Variants in NBAS observed in about 807,000 individuals in gnomAD.
NBAS encodes NAG/BC035112 fusion.
A neutral mutation model predicts 302.5 loss-of-function variants in NBAS; 219 were observed. The ratio of observed to expected loss-of-function variants is 0.72; its 90% confidence interval spans 0.65 to 0.81. The LOEUF is 0.81. Ranked by LOEUF, NBAS falls within the 30% of genes least tolerant of loss-of-function variation. NBAS has a pLI of 0.00. For synonymous variants in NBAS, 1,118 were observed against 1,021.6 expected (o/e 1.09, Z -1.80); for missense variants, 2,932 against 2,841.6 (o/e 1.03, Z -0.72).
chr2:14,959,625 C>T, the NBAS span, among the ~76,000 whole-genome samples: 1 of 152,218 alleles, frequency 6.6e-6, no homozygotes, highest in East Asian at 1.9e-4. Context: ...TGTGACAATT[C>T]TTATACATCG....
chr2:14,993,154 A>T, the NBAS span, among the ~76,000 whole-genome samples: 2 of 151,958 alleles, frequency 1.3e-5, no homozygotes, highest in Non-Finnish European at 2.9e-5. Flanking sequence ...TACATATAGC[A>T]CCTCACTGGA....
the NBAS span, among the ~76,000 whole-genome samples, chr2:14,817,342 C>G: frequency 1.3e-5 from 2 of 152,196 alleles, no homozygotes; most frequent in Admixed American, 6.5e-5. Context: ...GGACCATTAA[C>G]TCTGAGATGC....
At chr2:15,489,740 T>G (rs1035338587) in intron 11 of NBAS, among the ~76,000 whole-genome samples, 7 of 152,184 alleles carry the variant, frequency 4.6e-5, no homozygotes, top group African/African-American at 1.7e-4. Flanking sequence ...AACCTCTCTG[T>G]CTTTTCCTTT....
At chr2:15,346,930 T>C (rs1673118590) in intron 35 of NBAS, among the ~76,000 whole-genome samples, 1 of 152,088 alleles carries the variant, frequency 6.6e-6, no homozygotes, top group Non-Finnish European at 1.5e-5. Context: ...ATGTTCTCAC[T>C]CATAAGTGAG....
chr2:15,487,020 C>T (rs2148608651), intron 12 of NBAS, among the ~76,000 whole-genome samples: 1 of 151,866 alleles, frequency 6.6e-6, no homozygotes, highest in South Asian at 2.1e-4. Context: ...TACTAGGATA[C>T]ACAGAATATG....
At chr2:15,123,643 C>A in the NBAS span, among the ~76,000 whole-genome samples, 1 of 152,048 alleles carries the variant, frequency 6.6e-6, no homozygotes, top group Non-Finnish European at 1.5e-5. Flanking sequence ...GAGCACCTCC[C>A]TCCTCTCTGT....
intron 32 of NBAS, among the ~76,000 whole-genome samples, chr2:15,361,396 C>T (rs187768857): frequency 1.5e-3 from 228 of 152,000 alleles, no homozygotes; most frequent in South Asian, 9.8e-3. Flanking sequence ...GCCTGTAATC[C>T]CAGCTACTCG....
chr2:15,039,700 C>T, the NBAS span, among the ~76,000 whole-genome samples: 1 of 152,214 alleles, frequency 6.6e-6, no homozygotes, highest in Non-Finnish European at 1.5e-5. Context: ...CCCAGCAGTT[C>T]CCTCCCTGAG....
the NBAS span, among the ~76,000 whole-genome samples, chr2:14,885,923 C>G: frequency 6.6e-6 from 1 of 152,136 alleles, no homozygotes; most frequent in South Asian, 2.1e-4. Flanking sequence ...GAACAAAAGC[C>G]AGATTGGCAC....
the NBAS span, among the ~76,000 whole-genome samples, chr2:15,068,063 T>G: frequency 6.6e-6 from 1 of 152,220 alleles, no homozygotes; most frequent in Non-Finnish European, 1.5e-5. Flanking sequence ...GTTCTAATTA[T>G]GAATATAGAT....
chr2:15,452,180 G>A (rs1009850863), intron 21 of NBAS, among the ~76,000 whole-genome samples: 1 of 152,164 alleles, frequency 6.6e-6, no homozygotes, highest in Non-Finnish European at 1.5e-5. Context: ...CTAGAGATTG[G>A]TTGCATAGCA....
chr2:14,871,617 T>C, the NBAS span, among the ~76,000 whole-genome samples: 1 of 152,000 alleles, frequency 6.6e-6, no homozygotes. Context: ...CATGTGGAAG[T>C]AAAATGTATA....
chr2:15,292,609 C>T lies in NBAS; in HGVS notation c.4955G>A (p.Arg1652Gln), dbSNP rs754990648. ...AAACCGCTGCACGTCCACACCCTTCCGAAGGCCCTGAAGGATCTGCGCCTG... is the reference window on the plus strand; with the variant it reads ...AAACCGCTGCACGTCCACACCCTTCTGAAGGCCCTGAAGGATCTGCGCCTG... ...FTQAQILQGL[R>Q]KGVDVQRFTA... The change falls in exon 41 of 52, where the codon CGG becomes CAG. Residue 1652 changes from arginine to glutamine, a missense_variant. Transcript: ENST00000281513. The T allele has an allele frequency of 3.4e-5, 55 of 1,614,030 alleles. No homozygotes were observed. The highest frequency in any genetic ancestry group is 4.2e-5 in the Non-Finnish European group (50 of 1,180,044).
chr2:15,537,401 T>C (rs1663569841), intron 7 of NBAS, among the ~76,000 whole-genome samples: 1 of 152,194 alleles, frequency 6.6e-6, no homozygotes, highest in South Asian at 2.1e-4. Flanking sequence ...CTTAGTCACT[T>C]TCCCACAATT....
At chr2:15,220,161 G>T (rs1457213860) in intron 47 of NBAS, among the ~76,000 whole-genome samples, 3 of 146,842 alleles carry the variant, frequency 2.0e-5, no homozygotes, top group African/African-American at 5.0e-5. Flanking sequence ...CGGACGGGGC[G>T]GCTGGCCGGG....
the NBAS span, among the ~76,000 whole-genome samples, chr2:14,787,228 A>T: frequency 6.6e-6 from 1 of 151,990 alleles, no homozygotes; most frequent in African/African-American, 2.4e-5. Flanking sequence ...TGCACATGAG[A>T]TGGGTTTCCT....
chr2:14,907,478 A>C, the NBAS span: 2 of 152,276 alleles, frequency 1.3e-5, no homozygotes, highest in Non-Finnish European at 2.9e-5. Flanking sequence ...TGTTGTGAGA[A>C]GTCAATGAGG....
At chr2:15,284,453 A>C (rs1489176239) in intron 42 of NBAS, among the ~76,000 whole-genome samples, 1 of 152,232 alleles carries the variant, frequency 6.6e-6, no homozygotes, top group African/African-American at 2.4e-5. Flanking sequence ...CTTATGATTC[A>C]TCTGCTATAT....
At chr2:15,421,488 C>T (rs1208456620) in intron 23 of NBAS, among the ~76,000 whole-genome samples, 1 of 152,038 alleles carries the variant, frequency 6.6e-6, no homozygotes, top group Non-Finnish European at 1.5e-5. Context: ...AAACAAGTTT[C>T]GCTAAAGGCA....
Sources: allele counts gnomAD v4.1 joint callset (sites outside exome capture counted in the v4.1 genomes callset), GRCh38; gene constraint gnomAD v4.1.1; transcripts MANE v1.5; gene names NCBI Gene and HGNC (gene_info 2026-07-23, HGNC 2026-07-21).